Variants in CRYBA4 observed in about 807,000 individuals in gnomAD.
CRYBA4 encodes the protein crystallin beta A4, also known as beta-crystallin A4.
Under a neutral mutation model 31.7 loss-of-function variants are expected in CRYBA4, and 30 were observed. The ratio of observed to expected loss-of-function variants is 0.95; its 90% confidence interval spans 0.71 to 1.28. The LOEUF (loss-of-function observed/expected upper bound fraction) is 1.28, where lower values mean the gene tolerates loss of function less well. Ranked by LOEUF, CRYBA4 falls within the 50% of genes most tolerant of loss-of-function variation. The pLI is 0.00. For synonymous variants in CRYBA4, 102 were observed against 102.3 expected, an observed-to-expected ratio of 1.00 and a Z score of 0.02; for missense variants, 225 against 260.7, an observed-to-expected ratio of 0.86 and a Z score of 0.94.
At chr22:26,629,734 C>CAAAAAAAAAAAAAAAAAAAAA (rs66906132) in intron 5 of CRYBA4, among the ~76,000 whole-genome samples, 30 of 80,620 alleles carry the variant, frequency 3.7e-4, no homozygotes, top group African/African-American at 3.7e-4. Context: ...GACTCTGTCT[C>CAAAAAAAAAAAAAAAAAAAAA]AAAAAAAAAA....
the CRYBA4 span, chr22:26,602,008 T>C: frequency 6.2e-7 from 1 of 1,613,800 alleles, no homozygotes; most frequent in South Asian, 1.1e-5. Context: ...GGAGATTTTG[T>C]GCTCCTGGGC....
At chr22:26,614,134 A>C in the CRYBA4 span, among the ~76,000 whole-genome samples, 364 of 152,260 alleles carry the variant, frequency 2.4e-3, 3 homozygotes, top group Admixed American at 4.3e-3. Context: ...TTCATTAGCA[A>C]TTTTAATTTT....
the CRYBA4 span, chr22:26,602,136 G>C: frequency 7.4e-7 from 1 of 1,359,754 alleles, no homozygotes; most frequent in East Asian, 2.3e-5. Flanking sequence ...AGGCTGCTGG[G>C]GGACTCTCCA....
the CRYBA4 span, among the ~76,000 whole-genome samples, chr22:26,607,419 TG>T: frequency 6.6e-6 from 1 of 151,996 alleles, no homozygotes; most frequent in Non-Finnish European, 1.5e-5. Flanking sequence ...AGGCCTGGCA[TG>T]GTGGCTCACG....
the CRYBA4 span, among the ~76,000 whole-genome samples, chr22:26,608,223 C>A: frequency 6.6e-6 from 1 of 152,038 alleles, no homozygotes; most frequent in Non-Finnish European, 1.5e-5. Flanking sequence ...CTTTACCTCT[C>A]TGAGCCTTTG....
chr22:26,603,640 C>G, the CRYBA4 span, among the ~76,000 whole-genome samples: 2 of 152,028 alleles, frequency 1.3e-5, no homozygotes, highest in East Asian at 3.9e-4. Context: ...CGCGGTGGCT[C>G]ACGCCTGTAA....
chr22:26,627,520 CTTTCTCTTTCTTTCCTTT>C (rs1929783460), intron 4 of CRYBA4, among the ~76,000 whole-genome samples: 1 of 80,260 alleles, frequency 1.2e-5, no homozygotes, highest in South Asian at 4.0e-4. Context: ...TTCTTTCTTT[CTTTCTCTTTCTTTCCTTT>C]TCTTTCTTTC....
chr22:26,628,332 C>G lies in CRYBA4; in HGVS notation c.345C>G (p.Phe115Leu), dbSNP rs143888002. The G allele has an allele frequency of 6.2e-7, 1 of 1,613,946 alleles. No homozygotes were observed. Among genetic ancestry groups the G allele is most frequent in the South Asian group, 1.1e-5 (1 of 91,056 alleles). ...TGACAATCTTCGAGCAAGAGAACTTCCTGGGCAAGAAAGGAGAGCTGAGCG... is the reference window on the plus strand; with the variant it reads ...TGACAATCTTCGAGCAAGAGAACTTGCTGGGCAAGAAAGGAGAGCTGAGCG... The part of the protein sequence containing the change: ...SRLTIFEQEN[F>L]LGKKGELSDD... The change falls in exon 5 of 6, where the codon TTC becomes TTG. Residue 115 changes from phenylalanine (F) to leucine (L), a missense_variant. By Grantham distance (22) the Phe-to-Leu change is conservative. Coordinates refer to ENST00000354760, the MANE Select transcript of CRYBA4 (RefSeq NM_001886.3).
chr22:26,609,526 A>G, the CRYBA4 span, among the ~76,000 whole-genome samples: 1 of 152,094 alleles, frequency 6.6e-6, no homozygotes, highest in African/African-American at 2.4e-5. Flanking sequence ...GGATAGCTAG[A>G]TGGGTAGATG....
chr22:26,627,501 TTTC>T (rs1264306053), intron 4 of CRYBA4, among the ~76,000 whole-genome samples: 1 of 29,060 alleles, frequency 3.4e-5, no homozygotes, highest in Non-Finnish European at 5.8e-5. Flanking sequence ...TCTTTCTTTC[TTTC>T]TTTCTTTCTT....
At chr22:26,605,628 G>A in the CRYBA4 span, among the ~76,000 whole-genome samples, 3 of 137,018 alleles carry the variant, frequency 2.2e-5, no homozygotes, top group African/African-American at 5.3e-5. Context: ...GAGCCAGAAC[G>A]TGCCACTACA....
chr22:26,607,954 G>A, the CRYBA4 span: 28 of 1,614,236 alleles, frequency 1.7e-5, no homozygotes, highest in African/African-American at 1.1e-4. Flanking sequence ...GTGTTCCAGC[G>A]AGGGTACTCG....
At chr22:26,595,756 G>A in the CRYBA4 span, among the ~76,000 whole-genome samples, 28 of 145,054 alleles carry the variant, frequency 1.9e-4, no homozygotes, top group South Asian at 8.9e-4. Flanking sequence ...GATTGCAGGC[G>A]TGAGCCACCA....
chr22:26,620,003 C>CTTTTTTTTTTTTTTTTTTT (rs57928877), upstream of CRYBA4, among the ~76,000 whole-genome samples: 1 of 138,376 alleles, frequency 7.2e-6, no homozygotes, highest in Non-Finnish European at 1.6e-5. Flanking sequence ...TTTTTCTTTT[C>CTTTTTTTTTTTTTTTTTTT]TTTTTTTTTT....
chr22:26,619,779 C>T (rs1455917436), upstream of CRYBA4, among the ~76,000 whole-genome samples: 1 of 152,226 alleles, frequency 6.6e-6, no homozygotes, highest in Non-Finnish European at 1.5e-5. Context: ...GCCCACCCAC[C>T]AGTCTAGGCT....
intron 2 of CRYBA4, 40 bp from the exon 3 acceptor site, chr22:26,623,194 C>G (rs1439138037): frequency 5.8e-6 from 9 of 1,548,018 alleles, no homozygotes; most frequent in East Asian, 2.2e-5. Context: ...CTTCACGGGA[C>G]TCTGATGCGG....
chr22:26,622,673 T>C (rs879745253), intron 2 of CRYBA4, 38 bp downstream of exon 2: 4 of 968,872 alleles, frequency 4.1e-6, no homozygotes, highest in African/African-American at 1.7e-5. Context: ...TCAGGGGGTA[T>C]GGGGAGGGTT....
chr22:26,629,732 C>A (rs1929862095), intron 5 of CRYBA4, among the ~76,000 whole-genome samples: 1 of 5,072 alleles, frequency 2.0e-4, no homozygotes, highest in Non-Finnish European at 2.9e-4. Flanking sequence ...GAGACTCTGT[C>A]TCAAAAAAAA....
At chr22:26,614,215 G>C in the CRYBA4 span, among the ~76,000 whole-genome samples, 1 of 152,128 alleles carries the variant, frequency 6.6e-6, no homozygotes, top group African/African-American at 2.4e-5. Context: ...ACCTTGTAAA[G>C]TACTTGATGT....
Sources: gnomAD v4.1 joint callset for allele counts (sites outside exome capture counted in the v4.1 genomes callset) on GRCh38, gnomAD v4.1.1 for gene constraint, MANE v1.5 for transcripts, NCBI Gene and HGNC (gene_info 2026-07-23, HGNC 2026-07-21) for gene names.